IFNAR1: variants seen among roughly 807,000 people sequenced by gnomAD.
The protein encoded by IFNAR1 is interferon alpha and beta receptor subunit 1.
A neutral mutation model predicts 62.1 loss-of-function variants in IFNAR1; 47 were observed. That is an observed-to-expected ratio of 0.76 (90% confidence interval 0.60 to 0.97). The LOEUF is 0.97. Ranked by LOEUF, IFNAR1 falls within the 50% of genes least tolerant of loss-of-function variation. The probability of loss-of-function intolerance (pLI) is 0.00; values close to 1 mark genes in which losing one functional copy is unlikely to be tolerated. For synonymous variants in IFNAR1, 219 were observed against 226.9 expected (o/e 0.97, Z 0.31); for missense variants, 638 against 654.5 (o/e 0.97, Z 0.27).
Position 33,343,533 on chromosome 21 carries a change from A to T in IFNAR1, c.532-2A>T, listed in dbSNP as rs1236615432. On this transcript the variant is annotated splice_acceptor_variant, in intron 4 of 10. Transcript: ENST00000270139. LOFTEE classifies it high-confidence loss of function. ...AAGAACCAACTTATATTTGTGTTAT[A>T]GGAAAGGATTGAAAATATTTATTCC... 1 of 1,531,988 alleles carries T rather than the reference A, an allele frequency of 6.5e-7. No homozygotes were observed. Among genetic ancestry groups the T allele is most frequent in the African/African-American group, 1.4e-5 (1 of 72,528 alleles). The allele number at this position is 1,531,988 out of a possible 1,614,324, so 94.9% of individuals were successfully genotyped here.
chr21:33,335,339 A>T (rs565732598), intron 1 of IFNAR1, among the ~76,000 whole-genome samples, 185 bp from the exon 2 acceptor site: 1 of 152,226 alleles, frequency 6.6e-6, no homozygotes, highest in East Asian at 1.9e-4. Flanking sequence ...GCTCTCTCAG[A>T]TGCAGAAATG....
chr21:33,353,293 TAC>T (rs1434984742), intron 9 of IFNAR1, among the ~76,000 whole-genome samples: 2 of 152,242 alleles, frequency 1.3e-5, no homozygotes, highest in Non-Finnish European at 2.9e-5. Context: ...TTTTCTATTT[TAC>T]AGTTTCTAGT....
intron 1 of IFNAR1, chr21:33,335,082 C>G: frequency 1.2e-6 from 1 of 868,680 alleles, no homozygotes; most frequent in Non-Finnish European, 2.0e-6. Context: ...ACTTGATTGC[C>G]CCTAGGACTC....
intron 2 of IFNAR1, 27 bp downstream of exon 2, chr21:33,335,674 C>T (rs766336961): frequency 2.0e-6 from 3 of 1,480,522 alleles, no homozygotes; most frequent in Non-Finnish European, 2.7e-6. Context: ...ACTGATTTGT[C>T]AGAATGACCT....
chr21:33,353,902 G>T, intron 10 of IFNAR1, 119 bp downstream of exon 10: 1 of 649,144 alleles, frequency 1.5e-6, no homozygotes, highest in South Asian at 2.0e-5. Flanking sequence ...GACTGATTTG[G>T]GTATCTTCTT....
intron 2 of IFNAR1, among the ~76,000 whole-genome samples, chr21:33,340,627 T>C (rs2083284704): frequency 6.6e-6 from 1 of 152,136 alleles, no homozygotes; most frequent in African/African-American, 2.4e-5. Context: ...CAAAATAGTT[T>C]ACCAAAAGTC....
chr21:33,347,211 C>T (rs1159349663), intron 6 of IFNAR1, among the ~76,000 whole-genome samples: 2 of 151,654 alleles, frequency 1.3e-5, no homozygotes, highest in African/African-American at 4.9e-5. Flanking sequence ...CTCACTGCAA[C>T]CTCCGCGTCC....
At chr21:33,334,828 G>A in intron 1 of IFNAR1, 1 of 923,150 alleles carries the variant, frequency 1.1e-6, no homozygotes, top group Non-Finnish European at 1.8e-6. Context: ...TGACCCAGGT[G>A]GTGATCCAGG....
Position 33,335,553 on chromosome 21 carries a change from G to T in IFNAR1, c.106G>T (p.Val36Leu), listed in dbSNP as rs2083225754. 5 of 1,602,050 alleles carry T rather than the reference G, an allele frequency of 3.1e-6. No individual in the cohort carries two copies. Among genetic ancestry groups the T allele is most frequent in the Non-Finnish European group, 4.3e-6 (5 of 1,172,288 alleles). Reference sequence around the variant, plus strand: ...AAAAAATCTAAAATCTCCTCAAAAAGTAGAGGTCGACATCATAGATGACAA... The same window carrying T: ...AAAAAATCTAAAATCTCCTCAAAAATTAGAGGTCGACATCATAGATGACAA... ...GGKNLKSPQK[V>L]EVDIIDDNFI... Residue 36 changes from valine to leucine, a missense_variant, in exon 2 of 11, where the codon GTA becomes TTA. Val to Leu is a conservative substitution (Grantham distance 32). Coordinates refer to ENST00000270139, the MANE Select transcript of IFNAR1 (RefSeq NM_000629.3).
At position 33,352,833 on chromosome 21, in the gene IFNAR1, A is replaced by G. The variant is rs746914367; in HGVS notation, c.1219A>G (p.Arg407Gly). 1.9e-6 allele frequency: 3 copies of G among 1,606,124 alleles called. No homozygotes were observed. Among genetic ancestry groups the G allele is most frequent in the East Asian group, 2.2e-5 (1 of 44,802 alleles). Residue 407 changes from arginine (R) to glycine (G), a missense_variant, in exon 9 of 11, where the codon AGA (arginine) becomes GGA (glycine). Arg to Gly is a moderately radical substitution (Grantham distance 125). Transcript: ENST00000270139. ...KPLTVYCVKA[R>G]AHTMDEKLNK... ...ACTGACTGTATATTGTGTGAAAGCC[A>G]GAGCACACACCATGGATGAAAAGCT...
In IFNAR1 at chr21:33,356,172, A is replaced by G. The variant is rs1275695008; in HGVS notation, c.*623A>G. 1.3e-5 allele frequency: 2 copies of G among 152,232 alleles called. No homozygotes were observed. Among genetic ancestry groups the G allele is most frequent in the Non-Finnish European group, 2.9e-5 (2 of 68,058 alleles). The allele number at this position is 152,232 out of a possible 1,614,324, so 9.4% of individuals were successfully genotyped here. ...CTGTGAGCCTAAGTGCAGCCGTGCT[A>G]GCTGCGCACCGTGGCTAAGGATGAC... On this transcript the variant is annotated 3_prime_UTR_variant, in exon 11 of 11. Coordinates refer to ENST00000270139, the MANE Select transcript of IFNAR1 (RefSeq NM_000629.3).
chr21:33,352,628 A>G (rs2083409446), intron 8 of IFNAR1, 130 bp from the exon 9 acceptor site: 4 of 529,950 alleles, frequency 7.5e-6, no homozygotes, highest in African/African-American at 3.8e-5. Context: ...AAACAAAACA[A>G]AACAAAAAAT....
intron 3 of IFNAR1, among the ~76,000 whole-genome samples, chr21:33,342,163 C>T (rs1008546581): frequency 6.6e-6 from 1 of 152,072 alleles, no homozygotes; most frequent in East Asian, 1.9e-4. Flanking sequence ...AATTCCAACA[C>T]TTTGGGAGGC....
intron 2 of IFNAR1, among the ~76,000 whole-genome samples, chr21:33,340,740 G>A (rs2083285139): frequency 6.6e-6 from 1 of 151,956 alleles, no homozygotes; most frequent in South Asian, 2.1e-4. Context: ...ATTATATAAA[G>A]AACTGTATTT....
intron 1 of IFNAR1, among the ~76,000 whole-genome samples, chr21:33,327,899 T>G (rs2083141395): frequency 6.6e-6 from 1 of 152,160 alleles, no homozygotes; most frequent in Admixed American, 6.5e-5. Flanking sequence ...CATAGGTAGA[T>G]TTAAAGATTT....
At chr21:33,345,784 C>A (rs2083339767) in intron 6 of IFNAR1, among the ~76,000 whole-genome samples, 1 of 152,204 alleles carries the variant, frequency 6.6e-6, no homozygotes, top group Non-Finnish European at 1.5e-5. Context: ...AATTAGCCTT[C>A]CTATTTTCTT....
At chr21:33,354,630 G>A (rs987507602) in intron 10 of IFNAR1, among the ~76,000 whole-genome samples, 1 of 152,104 alleles carries the variant, frequency 6.6e-6, no homozygotes, top group Non-Finnish European at 1.5e-5. Flanking sequence ...AGCACTGAAT[G>A]GTGAAGGCCT....
chr21:33,338,804 G>A lies in IFNAR1; in HGVS notation c.201-2195G>A, dbSNP rs998975282. On this transcript the variant is annotated intron_variant, in intron 2 of 10. Transcript: ENST00000270139. ...GTTGCCCAGGCTGGAGTGCAATGGC[G>A]CAATCTCGGCTCACCGCAACCTCCG... Among the ~76,000 whole-genome samples, 10 of 151,154 alleles carry A rather than the reference G, an allele frequency of 6.6e-5. 1 individual carries two copies. Among genetic ancestry groups the A allele is most frequent in the Admixed American group, 2.0e-4 (3 of 15,194 alleles).
rs534061773 is a variant in IFNAR1 at position 33,355,413 on chromosome 21, C to G, written c.1538C>G (p.Thr513Arg). Residue 513 changes from threonine to arginine, a missense_variant, in exon 11 of 11, where the codon ACA becomes AGA. Coordinates refer to ENST00000270139, the MANE Select transcript of IFNAR1 (RefSeq NM_000629.3). ...FIIENISTIA[T>R]VEETNQTDED... ...ATTGAAAATATAAGCACAATTGCTA[C>G]AGTAGAAGAAACTAATCAAACTGAT... 23 of 1,598,182 alleles carry G rather than the reference C, an allele frequency of 1.4e-5. No individual in the cohort carries two copies. Among genetic ancestry groups the G allele is most frequent in the Non-Finnish European group, 2.0e-5 (23 of 1,168,648 alleles).
Sources: allele counts gnomAD v4.1 joint callset (sites outside exome capture counted in the v4.1 genomes callset), GRCh38; gene constraint gnomAD v4.1.1; transcripts MANE v1.5; gene names NCBI Gene and HGNC (gene_info 2026-07-23, HGNC 2026-07-21).